The following ARHGAP32 variants were observed in gnomAD, a reference collection of about 807,000 sequenced individuals.
The protein encoded by ARHGAP32 is rho GTPase-activating protein 32.
A neutral mutation model predicts 186.5 loss-of-function variants in ARHGAP32; 51 were observed. The observed-to-expected ratio is 0.27, with a 90% CI of 0.22 to 0.35. ARHGAP32 has a LOEUF of 0.35. Among genes scored for constraint, ARHGAP32 ranks in the 10% least tolerant of loss-of-function variants. ARHGAP32 has a pLI of 1.00. For missense variants in ARHGAP32, 2,186 were observed against 2,623.5 expected, an observed-to-expected ratio of 0.83 and a Z score of 3.64; for synonymous variants, 950 against 964.3, an observed-to-expected ratio of 0.99 and a Z score of 0.27.
intron 2 of ARHGAP32, among the ~76,000 whole-genome samples, chr11:129,131,925 A>G (rs1311025422): frequency 6.6e-6 from 1 of 152,168 alleles, no homozygotes; most frequent in Non-Finnish European, 1.5e-5. Context: ...GCAAGACAAG[A>G]CTTTTTTGTT....
chr11:129,207,262 G>A (rs1017022171), intron 1 of ARHGAP32, among the ~76,000 whole-genome samples: 2 of 152,130 alleles, frequency 1.3e-5, no homozygotes, highest in African/African-American at 4.8e-5. Context: ...CCAATAATGG[G>A]ATCGTTGAGT....
chr11:129,122,903 TA>T (rs1942567777), intron 5 of ARHGAP32, among the ~76,000 whole-genome samples: 1 of 152,164 alleles, frequency 6.6e-6, no homozygotes, highest in Non-Finnish European at 1.5e-5. Context: ...AGCTATTTTT[TA>T]GGTTTTTAAT....
chr11:129,200,561 G>A (rs575387815), intron 1 of ARHGAP32, among the ~76,000 whole-genome samples: 1 of 152,018 alleles, frequency 6.6e-6, no homozygotes, highest in South Asian at 2.1e-4. Flanking sequence ...GAGGCCTCCC[G>A]AGCCACATAG....
chr11:128,985,525 T>G (rs928879979), intron 15 of ARHGAP32, among the ~76,000 whole-genome samples: 2 of 152,108 alleles, frequency 1.3e-5, no homozygotes, highest in African/African-American at 4.8e-5. Flanking sequence ...ACTTTCAATT[T>G]TATTCTGGCT....
intron 1 of ARHGAP32, among the ~76,000 whole-genome samples, chr11:129,213,565 A>C (rs1165443011): frequency 2.6e-5 from 4 of 152,216 alleles, no homozygotes; most frequent in Non-Finnish European, 5.9e-5. Context: ...TCTCAATTAC[A>C]GTAAATGAAT....
In ARHGAP32 at chr11:129,173,604, C is replaced by G. The variant is rs141721913; in HGVS notation, c.117-9177G>C. On this transcript the variant is annotated intron_variant, in intron 1 of 22. Transcript: ENST00000682385. Reference sequence around the variant, plus strand: ...TGGAAAATTGAATCCAGCAGCACATCAAAGAGCTTATCCACCACGATCAAG... The same window carrying G: ...TGGAAAATTGAATCCAGCAGCACATGAAAGAGCTTATCCACCACGATCAAG... Among the ~76,000 whole-genome samples, 959 of 152,316 alleles carry G rather than the reference C, an allele frequency of 6.3e-3. 16 individuals are homozygous for G. The highest frequency in any genetic ancestry group is 0.037 in the Middle Eastern group (11 of 294).
chr11:129,238,573 G>A (rs1264976574), intron 1 of ARHGAP32, among the ~76,000 whole-genome samples: 1 of 151,998 alleles, frequency 6.6e-6, no homozygotes, highest in Non-Finnish European at 1.5e-5. Context: ...ATACACTGAT[G>A]GGATTTAAAA....
chr11:129,195,843 G>A (rs1591690950), upstream of ARHGAP32, among the ~76,000 whole-genome samples: 1 of 152,340 alleles, frequency 6.6e-6, no homozygotes, highest in African/African-American at 2.4e-5. Flanking sequence ...GGCAGGGATG[G>A]AACACAGCCG....
chr11:129,245,314 T>C (rs1303828290), intron 1 of ARHGAP32, among the ~76,000 whole-genome samples: 8 of 147,956 alleles, frequency 5.4e-5, no homozygotes, highest in South Asian at 2.2e-4. Flanking sequence ...ATGGATGAAA[T>C]TGGAAATCAT....
chr11:129,048,479 AT>A (rs11310706), intron 10 of ARHGAP32, among the ~76,000 whole-genome samples: 28,568 of 149,306 alleles, frequency 0.19, 2,796 homozygotes, highest in Non-Finnish European at 0.21. Context: ...TAAAGTATCT[AT>A]TTTTTTTTTT....
At chr11:129,196,579 A>G (rs1944394508), upstream of ARHGAP32, among the ~76,000 whole-genome samples, 1 of 152,182 alleles carries the variant, frequency 6.6e-6, no homozygotes, top group Non-Finnish European at 1.5e-5. Context: ...ATGGATACCA[A>G]CTGATGACTG....
intron 6 of ARHGAP32, among the ~76,000 whole-genome samples, chr11:129,078,004 T>C (rs1004884209): frequency 5.9e-5 from 9 of 152,156 alleles, no homozygotes; most frequent in Admixed American, 5.2e-4. Context: ...ACTGCTAGCA[T>C]AACAAGCATT....
rs1940630801 is a variant in ARHGAP32 at position 129,064,782 on chromosome 11, A to G, written c.762+59T>C. On this transcript the variant is annotated intron_variant, in intron 8 of 22. Transcript: ENST00000682385. ...AGACATCAAAATTATGTTAATATCA[A>G]ATTTCTTAAGTAGATAATTTAAATA... 3.0e-6 allele frequency: 4 copies of G among 1,328,408 alleles called. No homozygotes were observed. The African/African-American group carries it at 4.4e-5, about 15-fold the overall frequency. The allele number at this position is 1,328,408 out of a possible 1,614,324, so 82.3% of individuals were successfully genotyped here.
chr11:129,238,904 G>A (rs552087674), intron 1 of ARHGAP32, among the ~76,000 whole-genome samples: 2 of 151,822 alleles, frequency 1.3e-5, no homozygotes, highest in Admixed American at 6.6e-5. Flanking sequence ...GTGTAATCTC[G>A]GTTCACTGCA....
intron 6 of ARHGAP32, among the ~76,000 whole-genome samples, chr11:129,085,080 G>A (rs1433636872): frequency 6.6e-6 from 1 of 151,820 alleles, no homozygotes; most frequent in African/African-American, 2.4e-5. Flanking sequence ...CTGGAGTGCA[G>A]TGGTACAATC....
chr11:129,237,930 G>A (rs1464136430), intron 1 of ARHGAP32, among the ~76,000 whole-genome samples: 1 of 152,122 alleles, frequency 6.6e-6, no homozygotes, highest in Non-Finnish European at 1.5e-5. Flanking sequence ...AGAAGTGAGA[G>A]TGATTTAGAC....
intron 1 of ARHGAP32, among the ~76,000 whole-genome samples, chr11:129,221,571 A>T (rs974242712): frequency 1.1e-4 from 17 of 149,070 alleles, no homozygotes; most frequent in African/African-American, 4.0e-4. Context: ...AGATGAGTGG[A>T]ACCAATCCCA....
chr11:128,979,446 A>C (rs1393503529), intron 18 of ARHGAP32, among the ~76,000 whole-genome samples: 1 of 152,234 alleles, frequency 6.6e-6, no homozygotes, highest in African/African-American at 2.4e-5. Flanking sequence ...GGAAATTATG[A>C]CACTAAGAAG....
chr11:129,105,562 A>C (rs1294583568), intron 5 of ARHGAP32, among the ~76,000 whole-genome samples: 1 of 152,224 alleles, frequency 6.6e-6, no homozygotes, highest in Non-Finnish European at 1.5e-5. Context: ...GAAAGACTTT[A>C]CTAAATACAT....
Sources: gnomAD v4.1 joint callset for allele counts (sites outside exome capture counted in the v4.1 genomes callset) on GRCh38, gnomAD v4.1.1 for gene constraint, MANE v1.5 for transcripts, NCBI Gene and HGNC (gene_info 2026-07-23, HGNC 2026-07-21) for gene names.